Variants in PPP6R2 observed in about 807,000 individuals in gnomAD.
The protein encoded by PPP6R2 is protein phosphatase 6 regulatory subunit 2, also known as serine/threonine-protein phosphatase 6 regulatory subunit 2.
PPP6R2 carries 62 observed loss-of-function variants against 100.2 expected under a neutral mutation model. The observed-to-expected ratio is 0.62, with a 90% confidence interval of 0.50 to 0.76. The LOEUF (loss-of-function observed/expected upper bound fraction) is 0.76. Among genes scored for constraint, PPP6R2 ranks in the 30% least tolerant of loss-of-function variants. The pLI, the probability that PPP6R2 is intolerant of heterozygous loss-of-function variation, is 0.00. For missense variants in PPP6R2, 1,142 were observed against 1,276.3 expected (o/e 0.89, Z 1.60); for synonymous variants, 525 against 514.7 (o/e 1.02, Z -0.27).
At chr22:50,396,706 A>G (rs1340354123) in intron 3 of PPP6R2, among the ~76,000 whole-genome samples, 1 of 152,156 alleles carries the variant, frequency 6.6e-6, no homozygotes, top group Admixed American at 6.6e-5. Context: ...TCTTAGAAGG[A>G]AGATAAAGCA....
Position 50,444,343 on chromosome 22 carries a change from T to C in PPP6R2, c.*96T>C. On this transcript the variant is annotated 3_prime_UTR_variant, in exon 24 of 24. Transcript: ENST00000612753. ...GCAATCTTTTTTTTTTTTAATTTAA[T>C]TTAATTTTAAAATAAATGCTGCATT... The C allele has an allele frequency of 1.1e-5, 15 of 1,378,950 alleles. No homozygotes were observed. The South Asian group carries it at 1.6e-4, about 15-fold the overall frequency. 85.4% of individuals were successfully genotyped at this position (1,378,950 alleles called of 1,614,324 possible). A position where few individuals can be genotyped will look rare whatever the true frequency, so the allele number is the denominator to read the frequency against.
chr22:50,366,383 T>A (rs2048771230), intron 1 of PPP6R2, among the ~76,000 whole-genome samples: 1 of 150,790 alleles, frequency 6.6e-6, no homozygotes, highest in Admixed American at 6.7e-5. Flanking sequence ...CAATCCCAGC[T>A]CACTGCAGCC....
At chr22:50,415,936 A>G (rs1341917693) in intron 5 of PPP6R2, among the ~76,000 whole-genome samples, 156 bp from the exon 6 acceptor site, 1 of 152,178 alleles carries the variant, frequency 6.6e-6, no homozygotes, top group Non-Finnish European at 1.5e-5. Flanking sequence ...GAACTCAGTC[A>G]TTGTGTGTTA....
intron 2 of PPP6R2, among the ~76,000 whole-genome samples, chr22:50,380,430 G>A (rs1487242746): frequency 3.3e-5 from 5 of 150,882 alleles, no homozygotes; most frequent in South Asian, 4.2e-4. Context: ...GTGCAGTCTC[G>A]GCTCACTGCA....
At chr22:50,336,597 T>C in the PPP6R2 span, among the ~76,000 whole-genome samples, 2 of 151,788 alleles carry the variant, frequency 1.3e-5, no homozygotes, top group Non-Finnish European at 2.9e-5. Context: ...TCTCACCGTA[T>C]TGTCCTGGCT....
chr22:50,338,870 A>T (rs1479376732), upstream of PPP6R2, among the ~76,000 whole-genome samples: 1 of 76,418 alleles, frequency 1.3e-5, no homozygotes, highest in Non-Finnish European at 2.5e-5. Context: ...TGTGTGTGGT[A>T]TGTAGTGTGT....
intron 4 of PPP6R2, among the ~76,000 whole-genome samples, chr22:50,412,991 G>T (rs7289750): frequency 9.5e-5 from 13 of 137,004 alleles, no homozygotes; most frequent in African/African-American, 3.3e-4. Context: ...ACAGAGTTTT[G>T]CTCTTGTTGC....
At chr22:50,396,459 CA>C (rs1338194584) in intron 3 of PPP6R2, among the ~76,000 whole-genome samples, 1 of 149,502 alleles carries the variant, frequency 6.7e-6, no homozygotes, top group Non-Finnish European at 1.5e-5. Context: ...CGCTCCACTG[CA>C]CTCCAGCCTG....
intron 2 of PPP6R2, among the ~76,000 whole-genome samples, chr22:50,381,113 TC>T (rs1295486061): frequency 7.2e-5 from 7 of 97,386 alleles, no homozygotes; most frequent in African/African-American, 3.3e-4. Flanking sequence ...AAACTTTGTC[TC>T]AAAAAAAAAA....
intron 2 of PPP6R2, among the ~76,000 whole-genome samples, chr22:50,392,895 T>A (rs2055936065): frequency 6.6e-6 from 1 of 152,248 alleles, no homozygotes; most frequent in Non-Finnish European, 1.5e-5. Context: ...GTCAGCCTTT[T>A]GTTTTTCTAA....
the PPP6R2 span, among the ~76,000 whole-genome samples, chr22:50,334,928 G>A: frequency 6.6e-6 from 1 of 151,888 alleles, no homozygotes; most frequent in Admixed American, 6.6e-5. Context: ...TCCAGCCTGG[G>A]CAACAGAGTG....
rs377741441 is a variant in PPP6R2 at position 50,444,213 on chromosome 22, C to T, written c.2846C>T (p.Pro949Leu). ...TVTKDGKTDAPPEGAALNGPV is the reference protein window; with the variant it reads ...TVTKDGKTDALPEGAALNGPV Reference sequence around the variant, plus strand: ...CATTCCTGCAGGAAGACAGATGCCCCGCCAGAAGGAGCTGCCTTAAATGGC... The same window carrying T: ...CATTCCTGCAGGAAGACAGATGCCCTGCCAGAAGGAGCTGCCTTAAATGGC... Residue 949 changes from proline (P) to leucine (L), a missense_variant, in exon 24 of 24, where the codon CCG (proline) becomes CTG (leucine). Coordinates refer to ENST00000612753, the MANE Select transcript of PPP6R2 (RefSeq NM_001242898.2). The T allele has an allele frequency of 4.1e-5, 66 of 1,612,986 alleles. No individual in the cohort carries two copies. The African/African-American group carries it at 5.5e-4, about 13-fold the overall frequency.
intron 1 of PPP6R2, among the ~76,000 whole-genome samples, chr22:50,355,861 AAAG>A (rs1235166593): frequency 2.0e-5 from 3 of 151,020 alleles, no homozygotes; most frequent in African/African-American, 7.4e-5. Flanking sequence ...AACCAAAAAA[AAAG>A]CTTTTAAAAA....
chr22:50,339,145 GGT>G (rs760703387), upstream of PPP6R2, among the ~76,000 whole-genome samples: 60 of 143,986 alleles, frequency 4.2e-4, no homozygotes, highest in South Asian at 9.2e-3. Context: ...TGTGGTTTGT[GGT>G]GTGTGTGTGG....
chr22:50,391,432 CAAAAAAAAA>C (rs57682271), intron 2 of PPP6R2, among the ~76,000 whole-genome samples: 1 of 65,294 alleles, frequency 1.5e-5, no homozygotes, highest in South Asian at 7.5e-4. Flanking sequence ...GACTCCGTCT[CAAAAAAAAA>C]AAAAAAAAAA....
At chr22:50,370,438 C>T (rs1321929236) in intron 1 of PPP6R2, among the ~76,000 whole-genome samples, 3 of 151,510 alleles carry the variant, frequency 2.0e-5, no homozygotes, top group African/African-American at 4.9e-5. Flanking sequence ...CAGGCGCCTG[C>T]CACCACGCCC....
intron 10 of PPP6R2, among the ~76,000 whole-genome samples, chr22:50,426,563 G>A (rs1347010867): frequency 2.6e-5 from 4 of 152,256 alleles, no homozygotes; most frequent in African/African-American, 9.6e-5. Context: ...GGCCGGGCAC[G>A]GTGGTTCACG....
chr22:50,438,742 C>A lies in PPP6R2; in HGVS notation c.2108C>A (p.Pro703His). 1 of 1,600,896 alleles carries A rather than the reference C, an allele frequency of 6.2e-7. No homozygotes were observed. The highest frequency in any genetic ancestry group is 8.5e-7 in the Non-Finnish European group (1 of 1,174,016). Residue 703 changes from proline (P) to histidine (H), a missense_variant, in exon 19 of 24, where the codon CCT (proline) becomes CAT (histidine). Transcript: ENST00000612753. ...GCCCCCGGGAAGAAGGAAGCGCCCC[C>A]TGTGGAGGGTGACTCAGAAGGTGGT... ...PPAPGKKEAP[P>H]VEGDSEGAMW...
chr22:50,421,906 G>A (rs750020915), intron 8 of PPP6R2, among the ~76,000 whole-genome samples: 3 of 152,052 alleles, frequency 2.0e-5, no homozygotes, highest in Non-Finnish European at 2.9e-5. Flanking sequence ...AGTCGACACA[G>A]GAACAGTGAA....
Sources: allele counts gnomAD v4.1 joint callset (sites outside exome capture counted in the v4.1 genomes callset), GRCh38; gene constraint gnomAD v4.1.1; transcripts MANE v1.5; gene names NCBI Gene and HGNC (gene_info 2026-07-23, HGNC 2026-07-21).